Variants in FUT8 observed in about 807,000 individuals in gnomAD.
FUT8 encodes the protein fucosyltransferase 8, also known as alpha-(1,6)-fucosyltransferase.
Under a neutral mutation model 71.3 loss-of-function variants are expected in FUT8, and 29 were observed. That is an observed-to-expected ratio of 0.41 (90% CI 0.30 to 0.55). The LOEUF is 0.55. FUT8 is among the 20% of genes least tolerant of loss of function. The pLI is 0.34. For missense variants in FUT8, 544 were observed against 702.1 expected (o/e 0.77, Z 2.55); for synonymous variants, 254 against 239.3 (o/e 1.06, Z -0.57).
At chr14:65,502,196 C>T (rs1338771508) in intron 2 of FUT8, among the ~76,000 whole-genome samples, 4 of 151,790 alleles carry the variant, frequency 2.6e-5, no homozygotes, top group African/African-American at 9.7e-5. Context: ...CAGGTGTGAG[C>T]CACCATGCCT....
intron 2 of FUT8, among the ~76,000 whole-genome samples, chr14:65,464,942 T>C (rs1016093872): frequency 4.6e-5 from 7 of 152,232 alleles, no homozygotes; most frequent in African/African-American, 1.7e-4. Context: ...GAATGAATTA[T>C]CTTGAGTGTG....
intron 3 of FUT8, among the ~76,000 whole-genome samples, chr14:65,566,060 A>T (rs949073067): frequency 1.3e-5 from 2 of 151,946 alleles, no homozygotes; most frequent in Non-Finnish European, 2.9e-5. Flanking sequence ...TTCTAATTAT[A>T]AATAGGGTCA....
intron 6 of FUT8, among the ~76,000 whole-genome samples, chr14:65,650,738 A>T (rs10150314): frequency 6.7e-6 from 1 of 150,208 alleles, no homozygotes; most frequent in Non-Finnish European, 1.5e-5. Context: ...AACAAAAAAA[A>T]CCACAAACTT....
At chr14:65,684,167 AATAACT>A (rs1396632800) in intron 7 of FUT8, among the ~76,000 whole-genome samples, 1 of 152,040 alleles carries the variant, frequency 6.6e-6, no homozygotes, top group Non-Finnish European at 1.5e-5. Context: ...CTTCTACTAT[AATAACT>A]ATAATATACC....
At position 65,652,067 on chromosome 14, in the gene FUT8, G is replaced by A. The variant is rs1827876735; in HGVS notation, c.598-17176G>A. ...TACAAGCCAAGGAATGACAAGGATG[G>A]CTGGCAACCACCAGAAGCCGGGAGA... On this transcript the variant is annotated intron_variant, in intron 6 of 10. Coordinates refer to ENST00000673929, the MANE Select transcript of FUT8 (RefSeq NM_001371533.1). This position sits in a 1 kb window ranked among gnomAD's most constrained non-coding sequence, Gnocchi z 4.0. Among the ~76,000 whole-genome samples, 2 of 152,186 alleles carry A rather than the reference G, an allele frequency of 1.3e-5. No individual in the cohort carries two copies. Among genetic ancestry groups the A allele is most frequent in the South Asian group, 4.1e-4 (2 of 4,826 alleles).
At chr14:65,589,858 CAACAA>C (rs1322839609) in intron 3 of FUT8, among the ~76,000 whole-genome samples, 1 of 152,116 alleles carries the variant, frequency 6.6e-6, no homozygotes, top group East Asian at 1.9e-4. Flanking sequence ...ATTTTTGACA[CAACAA>C]GAGATTTTCA....
chr14:65,360,188 C>T, the FUT8 span, among the ~76,000 whole-genome samples: 1 of 152,202 alleles, frequency 6.6e-6, no homozygotes, highest in East Asian at 1.9e-4. Flanking sequence ...CCTCTGATAA[C>T]TGGTAATTTT....
intron 1 of FUT8, among the ~76,000 whole-genome samples, chr14:65,441,182 T>G (rs2139484798): frequency 6.6e-6 from 1 of 152,272 alleles, no homozygotes; most frequent in South Asian, 2.1e-4. Context: ...TTAATTTTCT[T>G]TGTAACTTTC....
At chr14:65,549,541 T>C (rs1194731329) in intron 2 of FUT8, among the ~76,000 whole-genome samples, 2 of 152,154 alleles carry the variant, frequency 1.3e-5, no homozygotes, top group African/African-American at 4.8e-5. Flanking sequence ...TACTTCAAAT[T>C]TGATGATAAA....
At chr14:65,465,893 G>T (rs532501250) in intron 2 of FUT8, among the ~76,000 whole-genome samples, 1 of 152,140 alleles carries the variant, frequency 6.6e-6, no homozygotes, top group Non-Finnish European at 1.5e-5. Context: ...TTGAATTCAT[G>T]TGTTTCTCCT....
intron 3 of FUT8, among the ~76,000 whole-genome samples, chr14:65,578,845 T>C (rs1283312591): frequency 1.3e-5 from 2 of 152,176 alleles, no homozygotes; most frequent in African/African-American, 4.8e-5. Context: ...CTTTTCTTGT[T>C]ATTGTTGCTT....
chr14:65,461,848 A>G (rs1021640636), intron 2 of FUT8, among the ~76,000 whole-genome samples: 2 of 152,226 alleles, frequency 1.3e-5, no homozygotes, highest in Non-Finnish European at 2.9e-5. Context: ...CAGGGTTTAT[A>G]TAGCAGGGAA....
At chr14:65,546,488 T>G (rs1433108744) in intron 2 of FUT8, among the ~76,000 whole-genome samples, 1 of 151,818 alleles carries the variant, frequency 6.6e-6, no homozygotes, top group East Asian at 1.9e-4. Flanking sequence ...ATATTGTGTA[T>G]ACTGGTAGTT....
At chr14:65,482,616 A>G (rs1054463542) in intron 2 of FUT8, among the ~76,000 whole-genome samples, 2 of 152,140 alleles carry the variant, frequency 1.3e-5, no homozygotes, top group Non-Finnish European at 2.9e-5. Context: ...CATGCTGACT[A>G]TTATGGCTTT....
intron 2 of FUT8, among the ~76,000 whole-genome samples, chr14:65,514,886 G>A (rs1346408714): frequency 6.6e-6 from 1 of 152,104 alleles, no homozygotes; most frequent in Non-Finnish European, 1.5e-5. Flanking sequence ...CAAATTGATG[G>A]TGAGAATTAA....
At chr14:65,689,443 AAGTTG>A (rs1342204590) in intron 7 of FUT8, among the ~76,000 whole-genome samples, 9 of 152,296 alleles carry the variant, frequency 5.9e-5, no homozygotes, top group South Asian at 2.1e-4. Context: ...TTTATATATA[AAGTTG>A]AGTTGAGTTG....
At chr14:65,617,680 C>T (rs1029896411) in intron 5 of FUT8, among the ~76,000 whole-genome samples, 1 of 152,114 alleles carries the variant, frequency 6.6e-6, no homozygotes, top group African/African-American at 2.4e-5. Flanking sequence ...CGTGGTGGCT[C>T]ATGCCTGTAA....
chr14:65,553,403 A>G (rs1398677872), intron 2 of FUT8, among the ~76,000 whole-genome samples: 1 of 152,100 alleles, frequency 6.6e-6, no homozygotes, highest in Non-Finnish European at 1.5e-5. Flanking sequence ...ACCCAGTGAT[A>G]CATTATTGCC....
chr14:65,714,191 T>A (rs934636878), intron 7 of FUT8, among the ~76,000 whole-genome samples: 4 of 152,154 alleles, frequency 2.6e-5, no homozygotes, highest in Non-Finnish European at 4.4e-5. Context: ...ATGTATAGAT[T>A]TGTTTCTGGG....
Sources: gnomAD v4.1 joint callset for allele counts (sites outside exome capture counted in the v4.1 genomes callset) on GRCh38, gnomAD v4.1.1 for gene constraint, Gnocchi (gnomAD v3.1) non-coding constraint, MANE v1.5 for transcripts, NCBI Gene and HGNC (gene_info 2026-07-23, HGNC 2026-07-21) for gene names.